KDM5A: variants seen among roughly 807,000 people sequenced by gnomAD.
KDM5A encodes the protein lysine demethylase 5A, also known as lysine-specific demethylase 5A.
KDM5A carries 42 observed loss-of-function variants against 193.5 expected under a neutral mutation model. The observed-to-expected ratio is 0.22, with a 90% confidence interval of 0.17 to 0.28. The LOEUF is 0.28. Among genes scored for constraint, KDM5A ranks in the 10% least tolerant of loss-of-function variants. The pLI, the probability that KDM5A is intolerant of heterozygous loss-of-function variation, is 1.00. For missense variants in KDM5A, 1,692 were observed against 2,055.1 expected, an observed-to-expected ratio of 0.82 and a Z score of 3.42; for synonymous variants, 796 against 718.1, an observed-to-expected ratio of 1.11 and a Z score of -1.73.
At chr12:356,356 A>G in intron 6 of KDM5A, 76 bp downstream of exon 6, 1 of 900,568 alleles carries the variant, frequency 1.1e-6, no homozygotes, top group Non-Finnish European at 1.8e-6. Context: ...CACAGACTGC[A>G]ATTCAAGTAT....
intron 10 of KDM5A, among the ~76,000 whole-genome samples, chr12:346,390 G>A (rs995590686): frequency 5.3e-5 from 8 of 152,116 alleles, no homozygotes; most frequent in African/African-American, 9.7e-5. Context: ...AGAAAAAGAC[G>A]GAATCCTCCC....
At chr12:354,274 T>C in intron 7 of KDM5A, 40 bp from the exon 8 acceptor site, 1 of 1,413,824 alleles carries the variant, frequency 7.1e-7, no homozygotes, top group South Asian at 1.3e-5. Context: ...TTTTCTATAA[T>C]AAATAATAAA....
rs1239788723 is a variant in KDM5A at position 315,849 on chromosome 12, C to T, written c.2897+2257G>A. On this transcript the variant is annotated intron_variant, in intron 19 of 27. Transcript: ENST00000399788. The stretch of plus-strand genomic sequence containing the variant: ...GTCCAATTTTGGATACAGGGACTTT[C>T]AGGTATCTGTGGGACATCCGCCTGG... Among the ~76,000 whole-genome samples the T allele has an allele frequency of 2.6e-5, 4 of 152,168 alleles. No homozygotes were observed. In the East Asian group the frequency reaches 7.7e-4, roughly 29 times the overall value.
At chr12:373,885 T>C (rs1290045046) in intron 3 of KDM5A, among the ~76,000 whole-genome samples, 2 of 152,114 alleles carry the variant, frequency 1.3e-5, no homozygotes, top group African/African-American at 2.4e-5. Flanking sequence ...TGTAGTTGAG[T>C]GGTTTTGAGT....
At position 293,167 on chromosome 12, in the gene KDM5A, A is replaced by T; in HGVS notation, c.4458T>A (p.Asp1486Glu). The T allele has an allele frequency of 6.2e-7, 1 of 1,611,534 alleles. No homozygotes were observed. Among genetic ancestry groups the T allele is most frequent in the South Asian group, 1.1e-5 (1 of 90,868 alleles). Residue 1486 changes from aspartate (D) to glutamate (E), a missense_variant and splice_region_variant, in exon 27 of 28, where the codon GAT (aspartate) becomes GAA (glutamate). Asp to Glu is a conservative substitution (Grantham distance 45). Coordinates refer to ENST00000399788, the MANE Select transcript of KDM5A (RefSeq NM_001042603.3). ...TTAGTGGTTTCTCTTCCATGCTGTC[A>T]TCCTTCAAAAATATAAATTTAGGAA... is the stretch of plus-strand genomic sequence containing the variant. ...SEDRFLHIMEDDSMEEKPLKV... is the reference protein window; with the variant it reads ...SEDRFLHIMEEDSMEEKPLKV...
chr12:301,558 C>G (rs1943441291), intron 24 of KDM5A, among the ~76,000 whole-genome samples: 1 of 152,110 alleles, frequency 6.6e-6, no homozygotes, highest in Non-Finnish European at 1.5e-5. Context: ...ACTTACAAAC[C>G]CACAGCCAAT....
At chr12:324,510 T>C (rs946447116) in intron 14 of KDM5A, among the ~76,000 whole-genome samples, 1 of 152,014 alleles carries the variant, frequency 6.6e-6, no homozygotes, top group African/African-American at 2.4e-5. Context: ...ATAAAGTAAA[T>C]TGTGCAAATT....
chr12:340,833 G>A (rs558831934), intron 10 of KDM5A, among the ~76,000 whole-genome samples: 350 of 151,974 alleles, frequency 2.3e-3, no homozygotes, highest in Non-Finnish European at 3.6e-3. Context: ...CAAAGAGCCA[G>A]GAACAAAACA....
At chr12:289,324 TAA>T (rs1199722962) in intron 27 of KDM5A, among the ~76,000 whole-genome samples, 2 of 152,142 alleles carry the variant, frequency 1.3e-5, no homozygotes, top group African/African-American at 2.4e-5. Context: ...TAAGACTGAA[TAA>T]AGAGTTCAGA....
At chr12:373,583 G>T (rs1301851120) in intron 3 of KDM5A, among the ~76,000 whole-genome samples, 2 of 152,052 alleles carry the variant, frequency 1.3e-5, no homozygotes, top group African/African-American at 4.8e-5. Flanking sequence ...ATCTCCTTCA[G>T]TTCTGCTCTG....
chr12:327,982 C>T, intron 14 of KDM5A, among the ~76,000 whole-genome samples: 1 of 152,102 alleles, frequency 6.6e-6, no homozygotes, highest in East Asian at 1.9e-4. Flanking sequence ...CCACTGCACT[C>T]CAGCCTGGGC....
intron 10 of KDM5A, among the ~76,000 whole-genome samples, chr12:337,442 G>A (rs1943948518): frequency 6.6e-6 from 1 of 152,140 alleles, no homozygotes; most frequent in African/African-American, 2.4e-5. Flanking sequence ...GTAAATTACA[G>A]AGAGAATATA....
chr12:313,292 G>A, intron 19 of KDM5A, 98 bp from the exon 20 acceptor site: 1 of 1,373,820 alleles, frequency 7.3e-7, no homozygotes, highest in Non-Finnish European at 1.0e-6. Flanking sequence ...TGATTTCACT[G>A]AATTCTTACC....
intron 11 of KDM5A, 103 bp from the exon 12 acceptor site, chr12:333,752 T>C (rs1943891268): frequency 2.7e-6 from 3 of 1,114,228 alleles, no homozygotes; most frequent in African/African-American, 1.5e-5. Flanking sequence ...TCTTATTCCA[T>C]GGTCAGATTA....
In KDM5A at chr12:323,217, A is replaced by T; in HGVS notation, c.2151-11T>A. 2 of 1,443,778 alleles carry T rather than the reference A, an allele frequency of 1.4e-6. No homozygotes were observed. Among genetic ancestry groups the T allele is most frequent in the Non-Finnish European group, 1.8e-6 (2 of 1,086,222 alleles). 89.4% of individuals were successfully genotyped at this position (1,443,778 alleles called of 1,614,324 possible). On this transcript the variant is annotated splice_polypyrimidine_tract_variant and intron_variant, in intron 15 of 27. Transcript: ENST00000399788. ...AATGGGTAGCGATATCTACAAAAAA[A>T]AAAAAAAAAAAAAAAAAAAAAAGAA...
At chr12:349,721 TAA>T (rs1357803182) in intron 10 of KDM5A, among the ~76,000 whole-genome samples, 1 of 152,062 alleles carries the variant, frequency 6.6e-6, no homozygotes, top group African/African-American at 2.4e-5. Flanking sequence ...TCCTTTTTTT[TAA>T]GAGACAGGTT....
intron 19 of KDM5A, among the ~76,000 whole-genome samples, chr12:314,164 G>A (rs890959048): frequency 2.0e-5 from 3 of 152,022 alleles, no homozygotes; most frequent in African/African-American, 7.2e-5. Flanking sequence ...CCTGGAAATT[G>A]CTCATGAGCA....
At position 307,208 on chromosome 12, in the gene KDM5A, AAC is replaced by A. The variant is rs1943518559; in HGVS notation, c.3931-121_3931-120del. ...AGCAAAGTGGCTAACAGAGTTCTTC[AAC>A]AGTTAGTAGAAATCAAATTATTTGA... On this transcript the variant is annotated intron_variant, in intron 23 of 27. Coordinates refer to ENST00000399788, the MANE Select transcript of KDM5A (RefSeq NM_001042603.3). This position sits in a 1 kb window ranked among gnomAD's most constrained non-coding sequence, Gnocchi z 4.3. 3.3e-6 allele frequency: 4 copies of A among 1,207,730 alleles called. No homozygotes were observed. The highest frequency in any genetic ancestry group is 2.5e-5 in the East Asian group (1 of 40,424). 74.8% of individuals were successfully genotyped at this position (1,207,730 alleles called of 1,614,324 possible).
intron 7 of KDM5A, 139 bp downstream of exon 7, chr12:355,019 C>T (rs1944213775): frequency 1.4e-6 from 1 of 700,012 alleles, no homozygotes. Flanking sequence ...TAAACAAAAG[C>T]TGTAACTTCA....
Sources: gnomAD v4.1 joint callset for allele counts (sites outside exome capture counted in the v4.1 genomes callset) on GRCh38, gnomAD v4.1.1 for gene constraint, Gnocchi (gnomAD v3.1) non-coding constraint, MANE v1.5 for transcripts, NCBI Gene and HGNC (gene_info 2026-07-23, HGNC 2026-07-21) for gene names.